The following FBXO25 variants were observed in gnomAD, a reference collection of about 807,000 sequenced individuals.
FBXO25 encodes the protein F-box protein 25, also known as F-box only protein 25.
In FBXO25, 45 loss-of-function variants were observed where a neutral mutation model predicts 51.9. The ratio of observed to expected loss-of-function variants is 0.87; its 90% confidence interval spans 0.68 to 1.11. The LOEUF (loss-of-function observed/expected upper bound fraction) is 1.11. Among genes scored for constraint, FBXO25 ranks in the 50% most tolerant of loss-of-function variants. FBXO25 has a pLI of 0.00. For missense variants in FBXO25, 507 were observed against 428.5 expected, an observed-to-expected ratio of 1.18 and a Z score of -1.62; for synonymous variants, 199 against 151.0, an observed-to-expected ratio of 1.32 and a Z score of -2.33.
chr8:418,792 G>A (rs1030267788), intron 2 of FBXO25, among the ~76,000 whole-genome samples: 1 of 152,152 alleles, frequency 6.6e-6, no homozygotes, highest in Non-Finnish European at 1.5e-5. Context: ...TTTAACCAAG[G>A]TAGTTCAATT....
intron 2 of FBXO25, among the ~76,000 whole-genome samples, chr8:415,868 C>G (rs557100111): frequency 6.6e-6 from 1 of 152,138 alleles, no homozygotes; most frequent in Non-Finnish European, 1.5e-5. Context: ...AATTTCTAAC[C>G]TTTTCCATCA....
intron 7 of FBXO25, among the ~76,000 whole-genome samples, chr8:456,041 G>A (rs11993345): frequency 0.04 from 6,017 of 152,168 alleles, 336 homozygotes; most frequent in African/African-American, 0.13. Context: ...ACCACTTCAT[G>A]CTACCTTTAA....
intron 5 of FBXO25, among the ~76,000 whole-genome samples, chr8:439,728 G>A (rs1486510892): frequency 2.6e-5 from 4 of 152,144 alleles, no homozygotes; most frequent in Non-Finnish European, 5.9e-5. Flanking sequence ...TGCTCCTCAT[G>A]TCTGGAGATG....
intron 8 of FBXO25, among the ~76,000 whole-genome samples, chr8:460,277 A>T (rs547367050): frequency 6.6e-5 from 10 of 152,300 alleles, no homozygotes; most frequent in African/African-American, 2.2e-4. Context: ...TTCTTAAAAG[A>T]GTTGCTTTAA....
intron 9 of FBXO25, among the ~76,000 whole-genome samples, chr8:466,631 T>C (rs1395891078): frequency 1.3e-5 from 2 of 152,204 alleles, no homozygotes; most frequent in Non-Finnish European, 2.9e-5. Context: ...CAGGTCTGCA[T>C]CTGGTATTTA....
intron 9 of FBXO25, among the ~76,000 whole-genome samples, chr8:464,594 T>C (rs959506913): frequency 6.6e-6 from 1 of 152,210 alleles, no homozygotes; most frequent in Admixed American, 6.5e-5. Context: ...ATTATCTATA[T>C]TTGTTATCAG....
intron 2 of FBXO25, among the ~76,000 whole-genome samples, chr8:416,895 A>G (rs570688312): frequency 2.0e-5 from 3 of 152,322 alleles, no homozygotes; most frequent in Admixed American, 6.5e-5. Context: ...TAAGTGTGAT[A>G]GTATGTGGGA....
chr8:412,617 G>T (rs1354458387), intron 1 of FBXO25, among the ~76,000 whole-genome samples: 1 of 152,164 alleles, frequency 6.6e-6, no homozygotes, highest in East Asian at 1.9e-4. Context: ...AGCCTTAAAT[G>T]ACTTCTCCAT....
At chr8:420,816 C>T (rs1161392651) in intron 2 of FBXO25, among the ~76,000 whole-genome samples, 1 of 152,178 alleles carries the variant, frequency 6.6e-6, no homozygotes, top group Non-Finnish European at 1.5e-5. Context: ...GAGTCAGAGG[C>T]AGTTTGGGGA....
At chr8:424,278 C>G (rs193011770) in intron 2 of FBXO25, among the ~76,000 whole-genome samples, 2 of 152,038 alleles carry the variant, frequency 1.3e-5, no homozygotes, top group Non-Finnish European at 2.9e-5. Context: ...TTGTCAGACG[C>G]ATAGTTTGCA....
At chr8:417,869 A>G (rs1403219168) in intron 2 of FBXO25, among the ~76,000 whole-genome samples, 1 of 152,208 alleles carries the variant, frequency 6.6e-6, no homozygotes. Context: ...GTGGTATAGC[A>G]TGGGTCATCT....
At chr8:465,899 A>G (rs1800124528) in intron 9 of FBXO25, among the ~76,000 whole-genome samples, 1 of 152,120 alleles carries the variant, frequency 6.6e-6, no homozygotes, top group African/African-American at 2.4e-5. Flanking sequence ...TTCCAAAAGA[A>G]TTTGCTTTGC....
chr8:451,600 A>G (rs1240638607), intron 7 of FBXO25, 147 bp downstream of exon 7: 1 of 827,192 alleles, frequency 1.2e-6, no homozygotes, highest in Non-Finnish European at 1.8e-6. Flanking sequence ...TTTAAAATAG[A>G]AAAGGACCAA....
At chr8:410,602 G>A (rs879354410) in intron 1 of FBXO25, among the ~76,000 whole-genome samples, 3 of 152,086 alleles carry the variant, frequency 2.0e-5, no homozygotes, top group Admixed American at 1.3e-4. Context: ...CCTTTGGTGG[G>A]AATGTTCTTG....
At chr8:467,625 C>A in intron 9 of FBXO25, 1 of 1,222,958 alleles carries the variant, frequency 8.2e-7, no homozygotes, top group Non-Finnish European at 1.2e-6. Context: ...AACCTGAATG[C>A]TTAGATACAC....
intron 2 of FBXO25, among the ~76,000 whole-genome samples, chr8:417,236 T>G (rs1209118633): frequency 6.6e-6 from 1 of 152,016 alleles, no homozygotes; most frequent in Non-Finnish European, 1.5e-5. Flanking sequence ...ATGTGGGGAG[T>G]CAGGGGTTTG....
At chr8:446,540 A>G (rs564748995) in intron 5 of FBXO25, among the ~76,000 whole-genome samples, 42 of 152,292 alleles carry the variant, frequency 2.8e-4, no homozygotes, top group African/African-American at 9.9e-4. Context: ...TAATGCTGAT[A>G]ACCTCAGTTG....
chr8:414,956 G>C (rs1796708731), intron 2 of FBXO25, among the ~76,000 whole-genome samples: 1 of 152,206 alleles, frequency 6.6e-6, no homozygotes, highest in Non-Finnish European at 1.5e-5. Context: ...CCTGTGGGTA[G>C]AGGCTGTTGG....
chr8:450,321 C>A (rs539003486), intron 6 of FBXO25, among the ~76,000 whole-genome samples: 56 of 152,038 alleles, frequency 3.7e-4, no homozygotes, highest in African/African-American at 1.3e-3. Context: ...AATAACTAAT[C>A]ACACAACTTA....
Sources: gnomAD v4.1 joint callset for allele counts (sites outside exome capture counted in the v4.1 genomes callset) on GRCh38, gnomAD v4.1.1 for gene constraint, MANE v1.5 for transcripts, NCBI Gene and HGNC (gene_info 2026-07-23, HGNC 2026-07-21) for gene names.